WDR11: variants seen among roughly 807,000 people sequenced by gnomAD.
WDR11 encodes WD repeat domain 11.
WDR11 carries 83 observed loss-of-function variants against 151.2 expected under a neutral mutation model. That is an observed-to-expected ratio of 0.55 (90% CI 0.46 to 0.66). WDR11 has a LOEUF of 0.66. WDR11 is among the 30% of genes least tolerant of loss of function. The pLI is 0.00. For missense variants in WDR11, 1,301 were observed against 1,480.9 expected, an observed-to-expected ratio of 0.88 and a Z score of 1.99; for synonymous variants, 484 against 533.1, an observed-to-expected ratio of 0.91 and a Z score of 1.27.
In WDR11 at chr10:120,890,838, G is replaced by A. The variant is rs1012027396; in HGVS notation, c.2466G>A (p.Glu822=). 2 of 1,614,186 alleles carry A rather than the reference G, an allele frequency of 1.2e-6. No individual in the cohort carries two copies. The highest frequency in any genetic ancestry group is 1.7e-6 in the Non-Finnish European group (2 of 1,180,032). ...ASDDGCIRVL[E]MSMKSACFRM... is the part of the protein sequence containing the mutation. The stretch of plus-strand genomic sequence containing the variant: ...ATGATGGGTGCATCAGAGTCCTAGA[G>A]ATGTCTATGAAGTCTGCGTGCTTTA... The change falls in exon 19 of 29, where the codon GAG becomes GAA. Residue 822 remains glutamate, a synonymous_variant. Transcript: ENST00000263461.
In WDR11 at chr10:120,858,623, C is replaced by T. The variant is rs1408094810; in HGVS notation, c.199-20C>T. The T allele has an allele frequency of 1.2e-6, 2 of 1,614,062 alleles. No individual in the cohort carries two copies. The highest frequency in any genetic ancestry group is 2.2e-5 in the South Asian group (2 of 91,062). On this transcript the variant is annotated intron_variant, in intron 2 of 28. Coordinates refer to ENST00000263461, the MANE Select transcript of WDR11 (RefSeq NM_018117.12). ...CATCCAGCGCAAGTATTTACTTGAT[C>T]TGATTTCTTCTTGATACAGGTTAAA...
At chr10:120,855,680 G>GA (rs1845922043) in intron 2 of WDR11, among the ~76,000 whole-genome samples, 1 of 151,920 alleles carries the variant, frequency 6.6e-6, no homozygotes, top group Admixed American at 6.6e-5. Context: ...GTGAAATAGG[G>GA]AAAAATACTA....
At chr10:120,877,491 C>A (rs1846835997) in intron 11 of WDR11, among the ~76,000 whole-genome samples, 1 of 152,114 alleles carries the variant, frequency 6.6e-6, no homozygotes, top group Non-Finnish European at 1.5e-5. Flanking sequence ...TGGTAGCATA[C>A]ACCTGTAGGC....
At chr10:120,908,063 C>A in intron 28 of WDR11, 1 of 185,786 alleles carries the variant, frequency 5.4e-6, no homozygotes, top group African/African-American at 2.4e-5. Flanking sequence ...CACAGAGTAC[C>A]CAATAGGCTG....
At position 120,906,788 on chromosome 10, in the gene WDR11, T is replaced by G. The variant is rs139007744; in HGVS notation, c.3450T>G (p.Phe1150Leu). The G allele has an allele frequency of 4.7e-4, 759 of 1,614,192 alleles. 1 individual carries two copies. Among genetic ancestry groups the G allele is most frequent in the Middle Eastern group, 4.1e-3 (25 of 6,062 alleles). Residue 1150 changes from phenylalanine (F) to leucine (L), a missense_variant, in exon 28 of 29, where the codon TTT (phenylalanine) becomes TTG (leucine). This residue lies in a region of WDR11 where 589 missense variants were observed against 670.6 expected (regional missense o/e 0.88). Transcript: ENST00000263461. ...TTCTGTTGAGCAGCATGAGATACTT[T>G]GATAGAGCAGCCTTATTTGTGGAAG... ...VAETLHSMRYFDRAALFVEAC... is the reference protein window; with the variant it reads ...VAETLHSMRYLDRAALFVEAC...
Position 120,904,139 on chromosome 10 carries a change from T to G in WDR11, c.3024T>G (p.Gly1008=). The part of the protein sequence containing the change: ...RKCTDQLLLL[G]QTDRAVQLLL... ...GTACAGACCAGCTACTGCTCTTGGG[T>G]CAAGTATGTCAGTTTTTATAACTCT... Residue 1008 remains glycine (G), a synonymous_variant, in exon 24 of 29, where the codon GGT becomes GGG. Transcript: ENST00000263461. 6.2e-7 allele frequency: 1 copy of G among 1,609,178 alleles called. No individual in the cohort carries two copies. Among genetic ancestry groups the G allele is most frequent in the Non-Finnish European group, 8.5e-7 (1 of 1,175,668 alleles).
intron 21 of WDR11, among the ~76,000 whole-genome samples, chr10:120,902,033 C>T (rs1156244202): frequency 6.6e-6 from 1 of 152,198 alleles, no homozygotes; most frequent in Non-Finnish European, 1.5e-5. Context: ...CGCTGCAGCT[C>T]CCTGTGGTGG....
At chr10:120,880,966 TCTTTAAGAAAATGGGAATG>T in intron 13 of WDR11, 65 bp downstream of exon 13, 1 of 1,440,930 alleles carries the variant, frequency 6.9e-7, no homozygotes, top group Non-Finnish European at 9.5e-7. Context: ...ATTTTTTTAA[TCTTTAAGAAAATGGGAATG>T]TGCTGGAATG....
In WDR11 at chr10:120,889,136, A is replaced by T; in HGVS notation, c.2180A>T (p.Asp727Val). The T allele has an allele frequency of 6.2e-7, 1 of 1,613,918 alleles. No homozygotes were observed. The highest frequency in any genetic ancestry group is 8.5e-7 in the Non-Finnish European group (1 of 1,179,944). ...AAAGGTGATACATTAGTGCTTGGAG[A>T]TATGGATGGAAATTTAAATTTCTGG... ...AWKGDTLVLG[D>V]MDGNLNFWDL... Residue 727 changes from aspartate (D) to valine (V), a missense_variant, in exon 17 of 29, where the codon GAT (aspartate) becomes GTT (valine). Coordinates refer to ENST00000263461, the MANE Select transcript of WDR11 (RefSeq NM_018117.12).
At chr10:120,878,495 T>G (rs761724139) in intron 12 of WDR11, 36 bp downstream of exon 12, 32 of 1,506,176 alleles carry the variant, frequency 2.1e-5, no homozygotes, top group Middle Eastern at 1.7e-4. Flanking sequence ...TTTGTCATAT[T>G]GAATAAACAT....
rs774620071 is a variant in WDR11, at chr10:120,865,639, T to C, written c.889T>C (p.Cys297Arg). 1.2e-6 allele frequency: 2 copies of C among 1,607,418 alleles called. No individual in the cohort carries two copies. The highest frequency in any genetic ancestry group is 1.1e-5 in the South Asian group (1 of 90,676). Reference sequence around the variant, plus strand: ...TATCATCTATTTAAAGGTAATACCCTGCTTTCAGCGTGATGGTTTATTTTG... The same window carrying C: ...TATCATCTATTTAAAGGTAATACCCCGCTTTCAGCGTGATGGTTTATTTTG... ...TGVPFLQVIP[C>R]FQRDGLFCLH... Residue 297 changes from cysteine (C) to arginine (R), a missense_variant, in exon 7 of 29, where the codon TGC becomes CGC. Coordinates refer to ENST00000263461, the MANE Select transcript of WDR11 (RefSeq NM_018117.12).
In WDR11 at chr10:120,851,477, C is replaced by G; in HGVS notation, c.57C>G (p.Leu19=). The change falls in exon 1 of 29, where the codon CTC becomes CTG. Residue 19 remains leucine (L), a synonymous_variant. Transcript: ENST00000263461. ...CGGCGCGCACCCTCACGGGGGCCCT[C>G]AACGCCCACAACAAGGCGGCGGTGG... ...KVSARTLTGA[L]NAHNKAAVDW... 6.2e-7 allele frequency: 1 copy of G among 1,612,132 alleles called. No individual in the cohort carries two copies. The highest frequency in any genetic ancestry group is 8.5e-7 in the Non-Finnish European group (1 of 1,179,724).
At position 120,905,355 on chromosome 10, in the gene WDR11, C is replaced by T. The variant is rs1323369184; in HGVS notation, c.3230C>T (p.Ala1077Val). ...TTGCTCTGCCTGATAGATAAGGCTGCAGACGCCTGCCGCTACCTGCAGACA... is the reference window on the plus strand; with the variant it reads ...TTGCTCTGCCTGATAGATAAGGCTGTAGACGCCTGCCGCTACCTGCAGACA... ...VQLLCLIDKA[A>V]DACRYLQTYG... is the part of the protein sequence containing the mutation. The change falls in exon 26 of 29, where the codon GCA (alanine) becomes GTA (valine). Residue 1077 changes from alanine to valine, a missense_variant. This residue lies in a region of WDR11 where 589 missense variants were observed against 670.6 expected (regional missense o/e 0.88). Coordinates refer to ENST00000263461, the MANE Select transcript of WDR11 (RefSeq NM_018117.12). The T allele has an allele frequency of 8.1e-6, 13 of 1,614,142 alleles. No homozygotes were observed. The highest frequency in any genetic ancestry group is 1.1e-5 in the Non-Finnish European group (13 of 1,180,032).
rs1232717917 is a variant in WDR11, at chr10:120,852,570, G to C, written c.133G>C (p.Val45Leu). 6.2e-7 allele frequency: 1 copy of C among 1,614,056 alleles called. No individual in the cohort carries two copies. The highest frequency in any genetic ancestry group is 2.2e-5 in the East Asian group (1 of 44,832). ...TTATGGATGTCATTCACTTGTGGTA[G>C]TGATTGATTCCATTACTGCCCAAAC... ...IAYGCHSLVV[V>L]IDSITAQTLQ... Residue 45 changes from valine (V) to leucine (L), a missense_variant, in exon 2 of 29, where the codon GTG becomes CTG. By Grantham distance (32) the Val-to-Leu change is conservative. Transcript: ENST00000263461.
chr10:120,871,207 T>C lies in WDR11; in HGVS notation c.1332T>C (p.Gly444=), dbSNP rs763086391. Residue 444 remains glycine, a synonymous_variant, in exon 10 of 29, where the codon GGT becomes GGC. Transcript: ENST00000263461. The part of the protein sequence containing the change: ...SAIAGEEHPR[G]SILREVHLKF... Reference sequence around the variant, plus strand: ...TTGCTGGGGAAGAACATCCCAGAGGTTCAATTCTGCGGGAAGTGCACCTCA... The same window carrying C: ...TTGCTGGGGAAGAACATCCCAGAGGCTCAATTCTGCGGGAAGTGCACCTCA... The C allele has an allele frequency of 6.2e-7, 1 of 1,613,990 alleles. No homozygotes were observed. Among genetic ancestry groups the C allele is most frequent in the African/African-American group, 1.3e-5 (1 of 74,890 alleles).
rs766883371 is a variant in WDR11, at chr10:120,889,961, A to G, written c.2295A>G (p.Lys765=). Residue 765 remains lysine (K), a synonymous_variant, in exon 18 of 29, where the codon AAA becomes AAG. Coordinates refer to ENST00000263461, the MANE Select transcript of WDR11 (RefSeq NM_018117.12). ...TTGCTCCTGGTAAAGGAAATCAAAA[A>G]TTAATAGCAATGTACAATGATGGAG... is the stretch of plus-strand genomic sequence containing the variant. ...IRFAPGKGNQ[K]LIAMYNDGAE... is the part of the protein sequence containing the mutation. 1.9e-6 allele frequency: 3 copies of G among 1,614,016 alleles called. No homozygotes were observed. The highest frequency in any genetic ancestry group is 2.7e-5 in the African/African-American group (2 of 74,936).
chr10:120,902,945 A>G, intron 22 of WDR11, 110 bp from the exon 23 acceptor site: 5 of 1,139,934 alleles, frequency 4.4e-6, no homozygotes, highest in Non-Finnish European at 6.5e-6. Flanking sequence ...CCATGCCAGT[A>G]TCCCAGTGGA....
chr10:120,893,148 A>T (rs1218078820), intron 19 of WDR11, among the ~76,000 whole-genome samples: 1 of 150,348 alleles, frequency 6.7e-6, no homozygotes, highest in Non-Finnish European at 1.5e-5. Context: ...ATATCTCCTA[A>T]TGCTATCCCT....
At chr10:120,886,081 C>T in intron 15 of WDR11, 143 bp downstream of exon 15, 1 of 1,012,404 alleles carries the variant, frequency 9.9e-7, no homozygotes, top group Non-Finnish European at 1.5e-6. Context: ...CAGTACATAC[C>T]CAGATTACTA....
Sources: gnomAD v4.1 joint callset for allele counts (sites outside exome capture counted in the v4.1 genomes callset) on GRCh38, gnomAD v4.1.1 for gene constraint, gnomAD v4.1.1 regional missense constraint, MANE v1.5 for transcripts, NCBI Gene and HGNC (gene_info 2026-07-23, HGNC 2026-07-21) for gene names.